Variants in MYO10 observed in about 807,000 individuals in gnomAD.
The protein encoded by MYO10 is myosin X, also known as unconventional myosin-X.
MYO10 carries 133 observed loss-of-function variants against 257.3 expected under a neutral mutation model. The ratio of observed to expected loss-of-function variants is 0.52; its 90% confidence interval spans 0.45 to 0.60. MYO10 has a LOEUF of 0.60. Among genes scored for constraint, MYO10 ranks in the 20% least tolerant of loss-of-function variants. MYO10 has a pLI of 0.00. For synonymous variants in MYO10, 1,104 were observed against 1,028.6 expected (o/e 1.07, Z -1.40); for missense variants, 2,399 against 2,635.7 (o/e 0.91, Z 1.97).
intron 2 of MYO10, among the ~76,000 whole-genome samples, chr5:16,822,843 A>T (rs1412972160): frequency 3.3e-5 from 5 of 151,806 alleles, no homozygotes; most frequent in Non-Finnish European, 7.4e-5. Context: ...GCCCGCAACC[A>T]CGCCCGGCTA....
rs183135872 is a variant in MYO10, at chr5:16,669,237, G to A, written c.5884-769C>T. 1.4e-3 allele frequency among the ~76,000 whole-genome samples: 204 copies of A among 150,778 alleles called. 5 individuals carry two copies. The East Asian group carries it at 0.032, about 23-fold the overall frequency. On this transcript the variant is annotated intron_variant, in intron 39 of 40. Transcript: ENST00000513610. ...TTTCTTTTTTCTTTTTTTTTTTGAC[G>A]GAGTCTCACTCTGTCGCCCAGGCTG...
At chr5:16,682,755 A>C (rs1737064697) in intron 30 of MYO10, among the ~76,000 whole-genome samples, 1 of 152,192 alleles carries the variant, frequency 6.6e-6, no homozygotes, top group Non-Finnish European at 1.5e-5. Context: ...GACACAGGAA[A>C]AGCTATGCAA....
rs1437947350 is a variant in MYO10, at chr5:16,936,010, C to T, written c.-202G>A. On this transcript the variant is annotated 5_prime_UTR_variant, in exon 1 of 41. Transcript: ENST00000513610. Reference sequence around the variant, plus strand: ...AAACCCAAGTCCCTAACTCGCCCGTCCCGACGGCAGCCTTTGTCTCTTCTT... The same window carrying T: ...AAACCCAAGTCCCTAACTCGCCCGTTCCGACGGCAGCCTTTGTCTCTTCTT... The T allele has an allele frequency of 3.2e-6, 2 of 616,526 alleles. No individual in the cohort carries two copies. Among genetic ancestry groups the T allele is most frequent in the Non-Finnish European group, 5.7e-6 (2 of 348,572 alleles). 38.2% of individuals were successfully genotyped at this position (616,526 alleles called of 1,614,324 possible).
chr5:16,681,253 A>C, intron 32 of MYO10, 56 bp downstream of exon 32: 2 of 1,522,470 alleles, frequency 1.3e-6, no homozygotes, highest in South Asian at 2.5e-5. Context: ...CTTTGCCCGG[A>C]GCAAGCCCAG....
At chr5:16,824,126 A>C (rs980026507) in intron 2 of MYO10, among the ~76,000 whole-genome samples, 1 of 152,212 alleles carries the variant, frequency 6.6e-6, no homozygotes, top group Non-Finnish European at 1.5e-5. Flanking sequence ...TTCTTTTATT[A>C]CAAGTCATTA....
chr5:16,777,850 T>C (rs1388825713), intron 9 of MYO10, among the ~76,000 whole-genome samples: 1 of 133,974 alleles, frequency 7.5e-6, no homozygotes, highest in Non-Finnish European at 1.6e-5. Flanking sequence ...TTTTTTTTTT[T>C]TTTTTTTTTT....
chr5:16,927,071 G>A (rs1746155090), intron 1 of MYO10, among the ~76,000 whole-genome samples: 1 of 152,146 alleles, frequency 6.6e-6, no homozygotes, highest in Admixed American at 6.6e-5. Context: ...TTGTAAGCAT[G>A]GTTTATAACT....
rs759689020 is a variant in MYO10 at position 16,699,439 on chromosome 5, T to C, written c.3556+11A>G. 3 of 1,612,892 alleles carry C rather than the reference T, an allele frequency of 1.9e-6. No homozygotes were observed. In the East Asian group the frequency reaches 6.7e-5, roughly 36 times the overall value. ...CCCCTAACCCAGACTCCATGGCGGCTGCAGTCATACCTTTCATGTACAGAA... is the reference window on the plus strand; with the variant it reads ...CCCCTAACCCAGACTCCATGGCGGCCGCAGTCATACCTTTCATGTACAGAA... On this transcript the variant is annotated intron_variant, in intron 26 of 40. Transcript: ENST00000513610.
intron 39 of MYO10, 90 bp from the exon 40 acceptor site, chr5:16,668,558 CCTCTGTGCAGAAGA>C: frequency 9.3e-7 from 1 of 1,072,022 alleles, no homozygotes; most frequent in South Asian, 1.7e-5. Flanking sequence ...TGAGTGAAGT[CCTCTGTGCAGAAGA>C]TTAAATATAT....
At chr5:16,912,459 G>A (rs997111451) in intron 1 of MYO10, among the ~76,000 whole-genome samples, 1 of 152,046 alleles carries the variant, frequency 6.6e-6, no homozygotes, top group Non-Finnish European at 1.5e-5. Context: ...TGTAGCCTTT[G>A]TACACCGTGC....
rs1421334909 is a variant in MYO10, at chr5:16,702,955, T to A, written c.2480A>T (p.Glu827Val). 1 of 1,551,832 alleles carries A rather than the reference T, an allele frequency of 6.4e-7. No individual in the cohort carries two copies. The highest frequency in any genetic ancestry group is 1.2e-5 in the South Asian group (1 of 84,042). The change falls in exon 23 of 41, where the codon GAA becomes GTA. Residue 827 changes from glutamate to valine, a missense_variant. By Grantham distance (121) the Glu-to-Val change is moderately radical. Transcript: ENST00000513610. ...TTCTTCCTCCCGTTTCTTCTTTTCT[T>A]CCTCTTCCTGTTTCTTCTTTTCTTC... The part of the protein sequence containing the change: ...EQEEKKKQEE[E>V]EKKKREEEER...
intron 3 of MYO10, among the ~76,000 whole-genome samples, chr5:16,812,022 G>A (rs534961394): frequency 1.3e-5 from 2 of 152,304 alleles, no homozygotes; most frequent in Non-Finnish European, 2.9e-5. Context: ...GCGGTGACAG[G>A]AGATGAAGAA....
At chr5:16,877,493 T>C (rs544620144) in intron 2 of MYO10, 116 bp downstream of exon 2, 2 of 724,124 alleles carry the variant, frequency 2.8e-6, no homozygotes, top group East Asian at 2.7e-5. Flanking sequence ...AATTATCACT[T>C]AGGAAAAAAA....
At chr5:16,839,883 C>G (rs989484744) in intron 2 of MYO10, among the ~76,000 whole-genome samples, 3 of 152,162 alleles carry the variant, frequency 2.0e-5, no homozygotes, top group African/African-American at 7.2e-5. Flanking sequence ...GGATTAAATG[C>G]ATCTTTGACT....
chr5:16,871,706 C>T (rs907060702), intron 2 of MYO10, among the ~76,000 whole-genome samples: 3 of 152,134 alleles, frequency 2.0e-5, no homozygotes, highest in Non-Finnish European at 4.4e-5. Flanking sequence ...GCGACGATTC[C>T]TGCATGTTCC....
chr5:16,681,565 A>G, intron 31 of MYO10, 62 bp from the exon 32 acceptor site: 3 of 1,452,142 alleles, frequency 2.1e-6, no homozygotes, highest in Non-Finnish European at 2.8e-6. Context: ...AGACCACACA[A>G]TCATCTGCAT....
intron 2 of MYO10, among the ~76,000 whole-genome samples, chr5:16,859,365 C>T (rs1221079900): frequency 6.6e-6 from 1 of 152,104 alleles, no homozygotes; most frequent in African/African-American, 2.4e-5. Context: ...TGGGCACTAA[C>T]TCCATTCATG....
intron 1 of MYO10, among the ~76,000 whole-genome samples, chr5:16,910,598 T>C (rs2126791718): frequency 6.6e-6 from 1 of 152,350 alleles, no homozygotes; most frequent in African/African-American, 2.4e-5. Context: ...GAAACTAAAC[T>C]ACCTAATGCT....
chr5:16,708,937 C>A (rs975135448), intron 21 of MYO10, among the ~76,000 whole-genome samples: 1 of 152,216 alleles, frequency 6.6e-6, no homozygotes, highest in African/African-American at 2.4e-5. Flanking sequence ...GAGCCATTTT[C>A]TTCAGAAAGT....
Sources: gnomAD v4.1 joint callset for allele counts (sites outside exome capture counted in the v4.1 genomes callset) on GRCh38, gnomAD v4.1.1 for gene constraint, MANE v1.5 for transcripts, NCBI Gene and HGNC (gene_info 2026-07-23, HGNC 2026-07-21) for gene names.